The following SNTG1 variants were observed in gnomAD, a reference collection of about 807,000 sequenced individuals.
SNTG1 encodes the protein gamma-1-syntrophin.
In SNTG1, 39 loss-of-function variants were observed where a neutral mutation model predicts 74.7. That is an observed-to-expected ratio of 0.52 (90% confidence interval 0.40 to 0.68). The LOEUF (loss-of-function observed/expected upper bound fraction) is 0.68. SNTG1 is among the 30% of genes least tolerant of loss of function. SNTG1 has a pLI of 0.00. For synonymous variants in SNTG1, 254 were observed against 217.1 expected, an observed-to-expected ratio of 1.17 and a Z score of -1.49; for missense variants, 685 against 609.5, an observed-to-expected ratio of 1.12 and a Z score of -1.30.
At chr8:49,912,832 C>T (rs1249291382) in intron 1 of SNTG1, among the ~76,000 whole-genome samples, 1 of 152,164 alleles carries the variant, frequency 6.6e-6, no homozygotes, top group Non-Finnish European at 1.5e-5. Context: ...TTTCTCAAAC[C>T]TGATCTGCCA....
intron 4 of SNTG1, among the ~76,000 whole-genome samples, chr8:50,406,077 G>T (rs2092871616): frequency 6.6e-6 from 1 of 151,872 alleles, no homozygotes; most frequent in South Asian, 2.1e-4. Flanking sequence ...TCTATTTCTT[G>T]AAAAAATATC....
At chr8:50,677,622 A>T (rs1011405035) in intron 15 of SNTG1, among the ~76,000 whole-genome samples, 2 of 151,990 alleles carry the variant, frequency 1.3e-5, no homozygotes, top group African/African-American at 4.8e-5. Flanking sequence ...GCAAATTTAC[A>T]TAGTATATGA....
chr8:50,433,602 C>T (rs1166534351), intron 4 of SNTG1, among the ~76,000 whole-genome samples: 2 of 151,830 alleles, frequency 1.3e-5, no homozygotes, highest in African/African-American at 2.4e-5. Flanking sequence ...GTTAATTTCA[C>T]TCTTTTACAT....
At position 49,982,466 on chromosome 8, in the gene SNTG1, A is replaced by G. The variant is rs11786014; in HGVS notation, c.-103+70235A>G. Among the ~76,000 whole-genome samples the G allele has an allele frequency of 8.5e-3, 1,299 of 152,184 alleles. 15 individuals are homozygous for G. The highest frequency in any genetic ancestry group is 0.014 in the Non-Finnish European group (929 of 67,994). ...TCTAATTTTGAATCCATAACTATAT[A>G]TATTCATTATATATAGTGCAAAATA... On this transcript the variant is annotated intron_variant, in intron 1 of 18. Transcript: ENST00000642720.
rs138057801 is a variant in SNTG1 at position 50,506,276 on chromosome 8, G to A, written c.466+3396G>A. 4.6e-5 allele frequency among the ~76,000 whole-genome samples: 7 copies of A among 152,142 alleles called. No individual in the cohort carries two copies. The East Asian group carries it at 1.4e-3, about 29-fold the overall frequency. On this transcript the variant is annotated intron_variant, in intron 9 of 18. Transcript: ENST00000642720. The stretch of plus-strand genomic sequence containing the variant: ...TTGTAATGTATCTTGAGTTCAGAAA[G>A]TGTAAAGCCCCAGCTCTGTTTTTCT...
chr8:50,571,450 G>A (rs2094548745), intron 12 of SNTG1, among the ~76,000 whole-genome samples: 1 of 152,238 alleles, frequency 6.6e-6, no homozygotes, highest in Admixed American at 6.5e-5. Context: ...TAGACGAGCT[G>A]TTTGGATTTG....
chr8:50,724,495 G>A (rs1442746142), intron 17 of SNTG1, among the ~76,000 whole-genome samples: 2 of 152,154 alleles, frequency 1.3e-5, no homozygotes, highest in East Asian at 1.9e-4. Context: ...AGATTATTTT[G>A]TCAAGCATTA....
At chr8:50,401,673 A>G (rs2092807896) in intron 3 of SNTG1, among the ~76,000 whole-genome samples, 1 of 152,048 alleles carries the variant, frequency 6.6e-6, no homozygotes, top group Non-Finnish European at 1.5e-5. Context: ...GTTGGTGACT[A>G]GGAATGCTGA....
intron 9 of SNTG1, among the ~76,000 whole-genome samples, chr8:50,516,711 T>A (rs1270787130): frequency 6.6e-6 from 1 of 151,908 alleles, no homozygotes; most frequent in African/African-American, 2.4e-5. Flanking sequence ...GAAGATTAAC[T>A]TAATGAAATA....
At chr8:50,046,398 T>C (rs1158605911) in intron 1 of SNTG1, among the ~76,000 whole-genome samples, 1 of 152,204 alleles carries the variant, frequency 6.6e-6, no homozygotes, top group Non-Finnish European at 1.5e-5. Flanking sequence ...GTATTCTTTC[T>C]GAAAATTACC....
intron 1 of SNTG1, among the ~76,000 whole-genome samples, chr8:50,036,881 CTT>C (rs1563505369): frequency 6.6e-6 from 1 of 152,162 alleles, no homozygotes; most frequent in African/African-American, 2.4e-5. Context: ...AGCTGACACT[CTT>C]TTGGGATTAC....
chr8:50,271,385 G>A (rs942470270), intron 2 of SNTG1, among the ~76,000 whole-genome samples: 1 of 152,058 alleles, frequency 6.6e-6, no homozygotes, highest in Non-Finnish European at 1.5e-5. Flanking sequence ...AATTCAAGGT[G>A]TTTTTATTCA....
intron 13 of SNTG1, among the ~76,000 whole-genome samples, chr8:50,611,776 A>AT (rs1210797571): frequency 6.6e-6 from 1 of 151,756 alleles, no homozygotes; most frequent in African/African-American, 2.4e-5. Context: ...CTTTAATTTA[A>AT]TTTTTTTTGA....
At chr8:50,487,286 C>T (rs1374442766) in intron 8 of SNTG1, among the ~76,000 whole-genome samples, 1 of 152,166 alleles carries the variant, frequency 6.6e-6, no homozygotes, top group Non-Finnish European at 1.5e-5. Context: ...GTGGCGATTC[C>T]TTAGAGATCT....
chr8:49,987,543 G>A (rs938734026), intron 1 of SNTG1, among the ~76,000 whole-genome samples: 1 of 151,832 alleles, frequency 6.6e-6, no homozygotes, highest in Non-Finnish European at 1.5e-5. Flanking sequence ...GAGCATTTTT[G>A]AATATAGTTG....
At chr8:50,109,589 A>T (rs890224072) in intron 1 of SNTG1, among the ~76,000 whole-genome samples, 1 of 152,194 alleles carries the variant, frequency 6.6e-6, no homozygotes, top group Non-Finnish European at 1.5e-5. Context: ...AATGAATAGA[A>T]TACCCTACTA....
chr8:50,137,740 C>T (rs767293845), intron 1 of SNTG1, among the ~76,000 whole-genome samples: 3 of 152,094 alleles, frequency 2.0e-5, no homozygotes, highest in Non-Finnish European at 4.4e-5. Context: ...AGGAGACGTC[C>T]AGGCAGGAGG....
intron 18 of SNTG1, 62 bp downstream of exon 18, chr8:50,752,173 G>A: frequency 2.2e-6 from 2 of 902,908 alleles, no homozygotes; most frequent in Non-Finnish European, 3.2e-6. Flanking sequence ...AAGGAACAAA[G>A]AGGGGAAACT....
intron 4 of SNTG1, among the ~76,000 whole-genome samples, chr8:50,427,077 C>A (rs554538536): frequency 6.6e-6 from 1 of 152,144 alleles, no homozygotes; most frequent in African/African-American, 2.4e-5. Context: ...TGGAGTCAAT[C>A]CCCCACAGAT....
Sources: gnomAD v4.1 joint callset for allele counts (sites outside exome capture counted in the v4.1 genomes callset) on GRCh38, gnomAD v4.1.1 for gene constraint, MANE v1.5 for transcripts, NCBI Gene and HGNC (gene_info 2026-07-23, HGNC 2026-07-21) for gene names.